DCUN1D2: variants seen among roughly 807,000 people sequenced by gnomAD.
DCUN1D2 encodes the protein DCN1-like protein 2.
Under a neutral mutation model 30.9 loss-of-function variants are expected in DCUN1D2, and 29 were observed. The observed-to-expected ratio is 0.94, with a 90% CI of 0.70 to 1.28. The LOEUF is 1.28. Ranked by LOEUF, DCUN1D2 falls within the 50% of genes most tolerant of loss-of-function variation. DCUN1D2 has a pLI of 0.00. For missense variants in DCUN1D2, 325 were observed against 316.9 expected (o/e 1.03, Z -0.19); for synonymous variants, 121 against 115.3 (o/e 1.05, Z -0.32).
At chr13:113,467,100 G>A (rs1040355173) in intron 4 of DCUN1D2, among the ~76,000 whole-genome samples, 3 of 152,050 alleles carry the variant, frequency 2.0e-5, no homozygotes, top group African/African-American at 7.2e-5. Context: ...GAGCCACCAC[G>A]CCTGGCCTGT....
chr13:113,457,876 T>C lies in DCUN1D2; in HGVS notation c.*153A>G, dbSNP rs1595562991. On this transcript the variant is annotated 3_prime_UTR_variant, in exon 7 of 7. Coordinates refer to ENST00000478244, the MANE Select transcript of DCUN1D2 (RefSeq NM_001014283.2). Reference sequence around the variant, plus strand: ...CCTGCGGTGTCCACAAAGCAGCCGCTGGCTGTCCTCCGGCAGAATGGGATG... The same window carrying C: ...CCTGCGGTGTCCACAAAGCAGCCGCCGGCTGTCCTCCGGCAGAATGGGATG... The C allele has an allele frequency of 1.4e-6, 1 of 729,740 alleles. No individual in the cohort carries two copies. Among genetic ancestry groups the C allele is most frequent in the East Asian group, 2.5e-5 (1 of 40,354 alleles). 45.2% of individuals were successfully genotyped at this position (729,740 alleles called of 1,614,324 possible).
chr13:113,483,900 C>T lies in DCUN1D2; in HGVS notation c.160G>A (p.Glu54Lys). 1 of 1,613,850 alleles carries T rather than the reference C, an allele frequency of 6.2e-7. No homozygotes were observed. The highest frequency in any genetic ancestry group is 8.5e-7 in the Non-Finnish European group (1 of 1,180,044). ...FFQNPDSLHR[E>K]SMRNAVDKKK... ...TTGTCCACAGCGTTCCGCATGGACT[C>T]CCTGTGGAGCGAGTCTGGGTTTTGG... Residue 54 changes from glutamate (E) to lysine (K), a missense_variant, in exon 2 of 7, where the codon GAG (glutamate) becomes AAG (lysine). Coordinates refer to ENST00000478244, the MANE Select transcript of DCUN1D2 (RefSeq NM_001014283.2).
chr13:113,487,385 T>C (rs1240129886), intron 1 of DCUN1D2, among the ~76,000 whole-genome samples: 4 of 152,104 alleles, frequency 2.6e-5, no homozygotes, highest in Non-Finnish European at 5.9e-5. Context: ...AATTCGGCCA[T>C]AAAAAGGAAT....
At chr13:113,469,394 C>G (rs2044465069) in intron 4 of DCUN1D2, among the ~76,000 whole-genome samples, 1 of 152,198 alleles carries the variant, frequency 6.6e-6, no homozygotes, top group South Asian at 2.1e-4. Flanking sequence ...AAAAGTGCAA[C>G]CTTCAGCTGA....
In DCUN1D2 at chr13:113,473,512, G is replaced by A. The variant is rs576217150; in HGVS notation, c.520+612C>T. On this transcript the variant is annotated intron_variant, in intron 4 of 6. Transcript: ENST00000478244. ...GGCTGAATTGTTGGTATGCGGGCTGGGTCTATGTGGCACAGAGAGAACAAT... is the reference window on the plus strand; with the variant it reads ...GGCTGAATTGTTGGTATGCGGGCTGAGTCTATGTGGCACAGAGAGAACAAT... Among the ~76,000 whole-genome samples the A allele has an allele frequency of 7.9e-5, 12 of 152,314 alleles. 1 individual carries two copies. The East Asian group carries it at 2.3e-3, about 29-fold the overall frequency.
Position 113,484,011 on chromosome 13 carries a change from C to T in DCUN1D2, c.49G>A (p.Ala17Thr). 1.2e-6 allele frequency: 2 copies of T among 1,614,172 alleles called. No homozygotes were observed. The highest frequency in any genetic ancestry group is 8.5e-7 in the Non-Finnish European group (1 of 1,180,046). ...SQKDKVRQFM[A>T]CTQAGERTAI... ...GTTCTCTCGCCAGCCTGAGTGCACGCCATAAACTGGCGGACCTTGTCCTTC... is the reference window on the plus strand; with the variant it reads ...GTTCTCTCGCCAGCCTGAGTGCACGTCATAAACTGGCGGACCTTGTCCTTC... Residue 17 changes from alanine to threonine, a missense_variant, in exon 2 of 7, where the codon GCG becomes ACG. Coordinates refer to ENST00000478244, the MANE Select transcript of DCUN1D2 (RefSeq NM_001014283.2).
chr13:113,480,467 C>T, intron 3 of DCUN1D2, 108 bp downstream of exon 3: 13 of 1,238,772 alleles, frequency 1.0e-5, no homozygotes, highest in South Asian at 1.5e-5. Context: ...TTTAAAGATA[C>T]ACAAAGAAAA....
Position 113,488,422 on chromosome 13 carries a change from G to C in DCUN1D2, c.3+2245C>G, listed in dbSNP as rs988580207. On this transcript the variant is annotated intron_variant, in intron 1 of 6. Transcript: ENST00000478244. The surrounding 1 kb of genome is among the most constrained non-coding windows in gnomAD (Gnocchi z 4.3). ...AATAACAGTGATTAAAGCAATGATC[G>C]ATAGCTAAGTCTAAAGACTAGGTGC... is the stretch of plus-strand genomic sequence containing the variant. Among the ~76,000 whole-genome samples the C allele has an allele frequency of 6.6e-6, 1 of 152,198 alleles. No individual in the cohort carries two copies. Among genetic ancestry groups the C allele is most frequent in the Non-Finnish European group, 1.5e-5 (1 of 68,038 alleles).
chr13:113,482,939 C>T (rs1381927155), intron 2 of DCUN1D2, among the ~76,000 whole-genome samples: 1 of 152,118 alleles, frequency 6.6e-6, no homozygotes, highest in Non-Finnish European at 1.5e-5. Context: ...AAGACTCCGT[C>T]ACATAAACAC....
Position 113,456,488 on chromosome 13 carries a change from GC to G in DCUN1D2, c.*1540del. The stretch of plus-strand genomic sequence containing the variant: ...CTCTCACACCGCAGCTAGGTCATCT[GC>G]GGCGACTCTCCTCTGTGCTGGGCAG... On this transcript the variant is annotated 3_prime_UTR_variant, in exon 7 of 7. Coordinates refer to ENST00000478244, the MANE Select transcript of DCUN1D2 (RefSeq NM_001014283.2). 1 of 398,100 alleles carries G rather than the reference GC, an allele frequency of 2.5e-6. No homozygotes were observed. The highest frequency in any genetic ancestry group is 4.4e-6 in the Non-Finnish European group (1 of 226,036). The allele number at this position is 398,100 out of a possible 1,614,324, so 24.7% of individuals were successfully genotyped here. A position where few individuals can be genotyped will look rare whatever the true frequency, so the allele number is the denominator to read the frequency against.
chr13:113,469,207 GC>G (rs1378446923), intron 4 of DCUN1D2, among the ~76,000 whole-genome samples: 1 of 151,592 alleles, frequency 6.6e-6, no homozygotes, highest in Admixed American at 6.6e-5. Flanking sequence ...TCGAAAAGCT[GC>G]CCCGAACCAT....
At position 113,490,704 on chromosome 13, in the gene DCUN1D2, C is replaced by T; in HGVS notation, c.-35G>A. ...GCCGCCCGCTTCTGGCCGGCCCCGG[C>T]CTTCTGCGCAGGCGCGGCGGCGGCT... On this transcript the variant is annotated 5_prime_UTR_variant, in exon 1 of 7. Coordinates refer to ENST00000478244, the MANE Select transcript of DCUN1D2 (RefSeq NM_001014283.2). The surrounding 1 kb of genome is among the most constrained non-coding windows in gnomAD (Gnocchi z 5.2). 1 of 1,210,978 alleles carries T rather than the reference C, an allele frequency of 8.3e-7. No homozygotes were observed. The highest frequency in any genetic ancestry group is 1.0e-6 in the Non-Finnish European group (1 of 973,854). The allele number at this position is 1,210,978 out of a possible 1,614,324, so 75.0% of individuals were successfully genotyped here. A position where few individuals can be genotyped will look rare whatever the true frequency, so the allele number is the denominator to read the frequency against.
intron 3 of DCUN1D2, chr13:113,478,920 G>A (rs2044661585): frequency 6.6e-6 from 1 of 151,504 alleles, no homozygotes; most frequent in African/African-American, 2.4e-5. Flanking sequence ...AACACCAGGA[G>A]AGAACACGAA....
At chr13:113,460,315 G>A (rs973668440) in intron 5 of DCUN1D2, among the ~76,000 whole-genome samples, 1 of 152,218 alleles carries the variant, frequency 6.6e-6, no homozygotes, top group African/African-American at 2.4e-5. Flanking sequence ...GTGTCACCTG[G>A]TGTCAGGTGA....
chr13:113,481,203 A>G (rs551077650), intron 2 of DCUN1D2, among the ~76,000 whole-genome samples: 1 of 152,316 alleles, frequency 6.6e-6, no homozygotes, highest in East Asian at 1.9e-4. Context: ...TTCATTTGCT[A>G]ATTCTAATGG....
At chr13:113,460,435 G>A (rs1233407934) in intron 5 of DCUN1D2, among the ~76,000 whole-genome samples, 1 of 152,222 alleles carries the variant, frequency 6.6e-6, no homozygotes, top group Non-Finnish European at 1.5e-5. Flanking sequence ...GCCATTACCG[G>A]GCTTGTGGCC....
Position 113,490,621 on chromosome 13 carries a change from C to T in DCUN1D2, c.3+46G>A. 1 of 1,215,748 alleles carries T rather than the reference C, an allele frequency of 8.2e-7. No individual in the cohort carries two copies. The highest frequency in any genetic ancestry group is 3.3e-5 in the South Asian group (1 of 30,392). 75.3% of individuals were successfully genotyped at this position (1,215,748 alleles called of 1,614,324 possible). ...CGCCTGCGCCGACCTTGGGGCCCGA[C>T]CCCGACCCCGACCCCGACGGGCAGA... On this transcript the variant is annotated intron_variant, in intron 1 of 6. Transcript: ENST00000478244. The surrounding 1 kb of genome is among the most constrained non-coding windows in gnomAD (Gnocchi z 5.2).
At chr13:113,482,058 G>T (rs922952804) in intron 2 of DCUN1D2, among the ~76,000 whole-genome samples, 1 of 151,956 alleles carries the variant, frequency 6.6e-6, no homozygotes, top group Non-Finnish European at 1.5e-5. Context: ...TAGAAATATT[G>T]ATCTACAATG....
At chr13:113,465,882 G>T (rs767387909) in intron 4 of DCUN1D2, among the ~76,000 whole-genome samples, 15 of 130,936 alleles carry the variant, frequency 1.1e-4, no homozygotes, top group African/African-American at 4.1e-4. Context: ...GATATATATA[G>T]ATAGATAGAT....
Sources: allele counts gnomAD v4.1 joint callset (sites outside exome capture counted in the v4.1 genomes callset), GRCh38; gene constraint gnomAD v4.1.1; non-coding constraint Gnocchi (gnomAD v3.1); transcripts MANE v1.5; gene names NCBI Gene and HGNC (gene_info 2026-07-23, HGNC 2026-07-21).